Variants in SCARB1 observed in about 807,000 individuals in gnomAD.
SCARB1 encodes scavenger receptor class B member 1.
A neutral mutation model predicts 57.2 loss-of-function variants in SCARB1; 30 were observed. The observed-to-expected ratio is 0.52, with a 90% CI of 0.39 to 0.71. SCARB1 has a LOEUF of 0.71. SCARB1 is among the 30% of genes least tolerant of loss of function. SCARB1 has a pLI of 0.00. For synonymous variants in SCARB1, 249 were observed against 268.3 expected (o/e 0.93, Z 0.70); for missense variants, 543 against 671.2 (o/e 0.81, Z 2.11).
intron 1 of SCARB1, among the ~76,000 whole-genome samples, chr12:124,856,887 G>A (rs1233032157): frequency 6.6e-6 from 1 of 152,244 alleles, no homozygotes; most frequent in Non-Finnish European, 1.5e-5. Flanking sequence ...CCTTTGATTG[G>A]AGAACATGTC....
chr12:124,831,520 A>G lies in SCARB1; in HGVS notation c.127-13813T>C, dbSNP rs534450584. 1.5e-3 allele frequency among the ~76,000 whole-genome samples: 231 copies of G among 152,290 alleles called. No homozygotes were observed. In the Middle Eastern group the frequency reaches 0.017, roughly 11 times the overall value. On this transcript the variant is annotated intron_variant, in intron 1 of 12. Transcript: ENST00000261693. ...GAGCACCTACAGCCACCAAGGCCCAATCAGGGTCCCAGTGCCCCGTCAAAT... is the reference window on the plus strand; with the variant it reads ...GAGCACCTACAGCCACCAAGGCCCAGTCAGGGTCCCAGTGCCCCGTCAAAT...
At chr12:124,855,657 T>C (rs899028619) in intron 1 of SCARB1, among the ~76,000 whole-genome samples, 2 of 152,146 alleles carry the variant, frequency 1.3e-5, no homozygotes, top group African/African-American at 4.8e-5. Flanking sequence ...GTGTCTGTGG[T>C]GTCGGAGCTG....
rs190199325 is a variant in SCARB1 at position 124,782,663 on chromosome 12, C to A, written c.*20G>T. The A allele has an allele frequency of 3.7e-6, 6 of 1,612,060 alleles. No individual in the cohort carries two copies. The African/African-American group carries it at 6.7e-5, about 18-fold the overall frequency. On this transcript the variant is annotated intron_variant, in intron 12 of 12. Coordinates refer to ENST00000261693, the MANE Select transcript of SCARB1 (RefSeq NM_005505.5). ...ATATGGGAGGGGGCGGGGAGGCGCACGGCATTACCTGGTACCCACCTACAG... is the reference window on the plus strand; with the variant it reads ...ATATGGGAGGGGGCGGGGAGGCGCAAGGCATTACCTGGTACCCACCTACAG...
At chr12:124,855,359 G>A (rs1952585066) in intron 1 of SCARB1, among the ~76,000 whole-genome samples, 1 of 152,186 alleles carries the variant, frequency 6.6e-6, no homozygotes, top group African/African-American at 2.4e-5. Flanking sequence ...CTGAGCAGGC[G>A]GAGTGTCTCC....
In SCARB1 at chr12:124,777,400, G is replaced by C. The variant is rs994852408; in HGVS notation, c.*1187C>G. 6.6e-6 allele frequency: 1 copy of C among 152,180 alleles called. No individual in the cohort carries two copies. Among genetic ancestry groups the C allele is most frequent in the African/African-American group, 2.4e-5 (1 of 41,432 alleles). 9.4% of individuals were successfully genotyped at this position (152,180 alleles called of 1,614,324 possible). A position where few individuals can be genotyped will look rare whatever the true frequency, so the allele number is the denominator to read the frequency against. ...GGCTGTGGGATGGGACTCAGACCCT[G>C]CTGCTTCTAAACAAGGGCGTACTCA... On this transcript the variant is annotated 3_prime_UTR_variant, in exon 13 of 13. Transcript: ENST00000261693.
chr12:124,832,023 T>G (rs948761128), intron 1 of SCARB1, among the ~76,000 whole-genome samples: 4 of 152,124 alleles, frequency 2.6e-5, no homozygotes, highest in African/African-American at 9.7e-5. Flanking sequence ...GGCCCTGGAT[T>G]GGGTCCTGGG....
chr12:124,814,296 A>C lies in SCARB1; in HGVS notation c.536T>G (p.Ile179Ser). 6.2e-7 allele frequency: 1 copy of C among 1,614,164 alleles called. No homozygotes were observed. The highest frequency in any genetic ancestry group is 8.5e-7 in the Non-Finnish European group (1 of 1,180,024). Reference sequence around the variant, plus strand: ...AAGGGGGTCCTTGTAGCCCCACATGATCTCACCCACAGTGCGGTTCATGAA... The same window carrying C: ...AAGGGGGTCCTTGTAGCCCCACATGCTCTCACCCACAGTGCGGTTCATGAA... ...RAFMNRTVGEIMWGYKDPLVN... is the reference protein window; with the variant it reads ...RAFMNRTVGESMWGYKDPLVN... The change falls in exon 4 of 13, where the codon ATC becomes AGC. Residue 179 changes from isoleucine (I) to serine (S), a missense_variant. By Grantham distance (142) the Ile-to-Ser change is moderately radical. Coordinates refer to ENST00000261693, the MANE Select transcript of SCARB1 (RefSeq NM_005505.5). The surrounding 1 kb of genome is among the most constrained non-coding windows in gnomAD (Gnocchi z 4.7).
At chr12:124,834,679 A>G (rs12425800) in intron 1 of SCARB1, among the ~76,000 whole-genome samples, 58,183 of 152,080 alleles carry the variant, frequency 0.38, 11,471 homozygotes, top group Admixed American at 0.51. Flanking sequence ...AGGCAAAGAT[A>G]GGAGGATCAC....
At chr12:124,790,868 T>G (rs838864) in intron 9 of SCARB1, among the ~76,000 whole-genome samples, 15,153 of 152,318 alleles carry the variant, frequency 0.099, 1,482 homozygotes, top group East Asian at 0.42. Flanking sequence ...CTGCTGGCAA[T>G]GCTGGCCCGG....
In SCARB1 at chr12:124,810,819, G is replaced by C. The variant is rs150772406; in HGVS notation, c.727-530C>G. Among the ~76,000 whole-genome samples, 88 of 152,286 alleles carry C rather than the reference G, an allele frequency of 5.8e-4. 1 individual carries two copies. In the East Asian group the frequency reaches 0.016, roughly 28 times the overall value. On this transcript the variant is annotated intron_variant, in intron 5 of 12. Transcript: ENST00000261693. The surrounding 1 kb of genome is among the most constrained non-coding windows in gnomAD (Gnocchi z 4.0). ...GTATGATGAGGATGTTTAAAATCAC[G>C]TGCACATGTACAGTATATTGGAATA...
intron 9 of SCARB1, among the ~76,000 whole-genome samples, chr12:124,788,708 C>A (rs554999452): frequency 6.6e-6 from 1 of 152,312 alleles, no homozygotes; most frequent in African/African-American, 2.4e-5. Context: ...ATACCTTTGT[C>A]CCATTTGAGC....
At chr12:124,851,436 C>T (rs1286979288) in intron 1 of SCARB1, among the ~76,000 whole-genome samples, 2 of 150,792 alleles carry the variant, frequency 1.3e-5, no homozygotes, top group Non-Finnish European at 3.0e-5. Context: ...TGCTGTTTTC[C>T]TTTTTTTTTC....
intron 1 of SCARB1, among the ~76,000 whole-genome samples, chr12:124,825,470 A>T (rs1007839754): frequency 3.9e-5 from 6 of 152,180 alleles, no homozygotes; most frequent in African/African-American, 1.4e-4. Flanking sequence ...CAGGAGTTCC[A>T]GACCAGCCGG....
intron 11 of SCARB1, chr12:124,785,693 AAC>A (rs1949487341): frequency 4.9e-6 from 1 of 202,634 alleles, no homozygotes. Flanking sequence ...TTCATGCAAA[AAC>A]ACTGCAAAAA....
At chr12:124,809,817 G>A (rs1950456781) in intron 6 of SCARB1, among the ~76,000 whole-genome samples, 1 of 152,198 alleles carries the variant, frequency 6.6e-6, no homozygotes, top group Admixed American at 6.5e-5. Flanking sequence ...AGCAGAGCCA[G>A]CTGATGTCTC....
In SCARB1 at chr12:124,863,629, A is replaced by G; in HGVS notation, c.92T>C (p.Met31Thr). The G allele has an allele frequency of 6.2e-7, 1 of 1,600,700 alleles. No homozygotes were observed. Among genetic ancestry groups the G allele is most frequent in the South Asian group, 1.1e-5 (1 of 89,124 alleles). Residue 31 changes from methionine (M) to threonine (T), a missense_variant, in exon 1 of 13, where the codon ATG (methionine) becomes ACG (threonine). By Grantham distance (81) the Met-to-Thr change is moderately conservative (BLOSUM62 -1). Transcript: ENST00000261693. Reference protein sequence around the residue: ...CAVLGAVMIVMVPSLIKQQVL... With the variant: ...CAVLGAVMIVTVPSLIKQQVL... Reference sequence around the variant, plus strand: ...CTGCTGCTTGATGAGCGACGGCACCATCACGATCATGACAGCGCCCAGCAC... The same window carrying G: ...CTGCTGCTTGATGAGCGACGGCACCGTCACGATCATGACAGCGCCCAGCAC...
rs71092225 is a variant in SCARB1 at position 124,817,020 on chromosome 12, A to ATGTGTGTGTG, written c.284+520_284+529dup. Among the ~76,000 whole-genome samples the ATGTGTGTGTG allele has an allele frequency of 6.8e-6, 1 of 146,060 alleles. No homozygotes were observed. Among genetic ancestry groups the ATGTGTGTGTG allele is most frequent in the South Asian group, 2.2e-4 (1 of 4,482 alleles). ...GGTCGGTCCCTGCTCCTGGTCATGCATGTGTGTGTGTGTGTGTGTGTGTGT... is the reference window on the plus strand; with the variant it reads ...GGTCGGTCCCTGCTCCTGGTCATGCATGTGTGTGTGTGTGTGTGTGTGTGTGTGTGTGTGT... On this transcript the variant is annotated intron_variant, in intron 2 of 12. Coordinates refer to ENST00000261693, the MANE Select transcript of SCARB1 (RefSeq NM_005505.5). This position sits in a 1 kb window ranked among gnomAD's most constrained non-coding sequence, Gnocchi z 4.8.
In SCARB1 at chr12:124,846,284, A is replaced by C. The variant is rs562216458; in HGVS notation, c.126+17311T>G. Among the ~76,000 whole-genome samples the C allele has an allele frequency of 7.4e-4, 113 of 152,318 alleles. 1 individual carries two copies. Among genetic ancestry groups the C allele is most frequent in the African/African-American group, 2.4e-3 (99 of 41,570 alleles). ...TGATAGGATTGGAAACGCTGCAACC[A>C]CTTTGGACAAGAGCTTGGCCCTTCT... On this transcript the variant is annotated intron_variant, in intron 1 of 12. Transcript: ENST00000261693.
chr12:124,793,307 G>A (rs1949796900), intron 9 of SCARB1, among the ~76,000 whole-genome samples: 1 of 152,110 alleles, frequency 6.6e-6, no homozygotes, highest in Non-Finnish European at 1.5e-5. Flanking sequence ...CAACAAATCA[G>A]TATAATCCCT....
Sources: gnomAD v4.1 joint callset for allele counts (sites outside exome capture counted in the v4.1 genomes callset) on GRCh38, gnomAD v4.1.1 for gene constraint, Gnocchi (gnomAD v3.1) non-coding constraint, MANE v1.5 for transcripts, NCBI Gene and HGNC (gene_info 2026-07-23, HGNC 2026-07-21) for gene names.